CADPS: variants seen among roughly 807,000 people sequenced by gnomAD.
CADPS encodes calcium dependent secretion activator.
Under a neutral mutation model 167.3 loss-of-function variants are expected in CADPS, and 57 were observed. The observed-to-expected ratio is 0.34, with a 90% CI of 0.28 to 0.42. The LOEUF (loss-of-function observed/expected upper bound fraction) is 0.42. Ranked by LOEUF, CADPS falls within the 20% of genes least tolerant of loss-of-function variation. The pLI is 1.00. For missense variants in CADPS, 1,414 were observed against 1,738.1 expected (o/e 0.81, Z 3.32); for synonymous variants, 676 against 635.3 (o/e 1.06, Z -0.96).
At chr3:62,534,714 C>T (rs2074340361) in intron 12 of CADPS, among the ~76,000 whole-genome samples, 1 of 151,888 alleles carries the variant, frequency 6.6e-6, no homozygotes, top group African/African-American at 2.4e-5. Flanking sequence ...CCAAAACTAA[C>T]TGAAAAAAAG....
intron 8 of CADPS, among the ~76,000 whole-genome samples, chr3:62,572,747 A>G (rs180957354): frequency 7.9e-4 from 120 of 152,326 alleles, no homozygotes; most frequent in African/African-American, 2.7e-3. Flanking sequence ...AAATGATTAC[A>G]CTTGTCCCTC....
intron 23 of CADPS, chr3:62,477,979 A>G (rs1227083620): frequency 5.2e-6 from 2 of 384,718 alleles, no homozygotes; most frequent in Non-Finnish European, 9.6e-6. Flanking sequence ...AGACACTGCT[A>G]GATATCAGGG....
rs528299744 is a variant in CADPS at position 62,443,008 on chromosome 3, G to A, written c.3669+2757C>T. Among the ~76,000 whole-genome samples the A allele has an allele frequency of 2.7e-4, 41 of 152,166 alleles. No homozygotes were observed. In the East Asian group the frequency reaches 2.7e-3, roughly 10 times the overall value. ...CTATAATATTATTAGCTATTAAAGC[G>A]TATGTTAATCAACTTAACATTTAGC... On this transcript the variant is annotated intron_variant, in intron 27 of 29. Coordinates refer to ENST00000383710, the MANE Select transcript of CADPS (RefSeq NM_003716.4).
intron 1 of CADPS, among the ~76,000 whole-genome samples, chr3:62,782,207 G>C (rs945223706): frequency 1.3e-5 from 2 of 152,154 alleles, no homozygotes; most frequent in African/African-American, 4.8e-5. Flanking sequence ...GGTAATTTTT[G>C]TACAAGGTGG....
intron 6 of CADPS, among the ~76,000 whole-genome samples, chr3:62,603,022 CA>C (rs1031471710): frequency 4.6e-5 from 7 of 152,082 alleles, no homozygotes; most frequent in African/African-American, 1.4e-4. Flanking sequence ...CAGGCGGGGG[CA>C]ATATTTAAAT....
At chr3:62,708,838 C>A (rs952576513) in intron 3 of CADPS, among the ~76,000 whole-genome samples, 1 of 151,880 alleles carries the variant, frequency 6.6e-6, no homozygotes, top group Non-Finnish European at 1.5e-5. Flanking sequence ...GGGGTAGGGG[C>A]GGAGTAAGAG....
chr3:62,434,742 C>A (rs555821402), intron 28 of CADPS, among the ~76,000 whole-genome samples: 1 of 152,264 alleles, frequency 6.6e-6, no homozygotes, highest in South Asian at 2.1e-4. Flanking sequence ...CTAGTTAAAG[C>A]AGAAAATGCA....
At chr3:62,750,266 G>T (rs1041124923) in intron 3 of CADPS, among the ~76,000 whole-genome samples, 2 of 136,472 alleles carry the variant, frequency 1.5e-5, no homozygotes, top group African/African-American at 5.4e-5. Flanking sequence ...CATGAGAATT[G>T]CTTGAACCTG....
rs572565100 is a variant in CADPS at position 62,447,796 on chromosome 3, C to T, written c.3637-1999G>A. Among the ~76,000 whole-genome samples, 5 of 152,270 alleles carry T rather than the reference C, an allele frequency of 3.3e-5. No homozygotes were observed. The East Asian group carries it at 9.7e-4, about 29-fold the overall frequency. ...GGCTCTCCAGATTTTGCACAATTAT[C>T]ATTTCTACTAAAAGATTCTAAACCC... On this transcript the variant is annotated intron_variant, in intron 26 of 29. Coordinates refer to ENST00000383710, the MANE Select transcript of CADPS (RefSeq NM_003716.4).
rs948672329 is a variant in CADPS, at chr3:62,498,837, C to CA, written c.2706+324dup. On this transcript the variant is annotated intron_variant, in intron 18 of 29. Transcript: ENST00000383710. ...ACAGTGGTGGCAACAAAAACAACCA[C>CA]AAAAAACCAAAAAATATTTTGTGTT... 2.7e-5 allele frequency among the ~76,000 whole-genome samples: 4 copies of CA among 150,102 alleles called. No individual in the cohort carries two copies. The Admixed American group carries it at 2.7e-4, about 10-fold the overall frequency.
At chr3:62,853,934 C>A (rs149687585) in intron 1 of CADPS, among the ~76,000 whole-genome samples, 1 of 151,792 alleles carries the variant, frequency 6.6e-6, no homozygotes, top group Non-Finnish European at 1.5e-5. Flanking sequence ...CCAGCCTGGG[C>A]GACAGACAGT....
intron 24 of CADPS, 49 bp from the exon 25 acceptor site, chr3:62,466,462 C>T (rs777584994): frequency 2.6e-6 from 3 of 1,174,288 alleles, no homozygotes; most frequent in Non-Finnish European, 3.8e-6. Context: ...GGTGATGGCA[C>T]TGCATCCGTC....
chr3:62,423,746 T>C (rs1052814150), intron 28 of CADPS, among the ~76,000 whole-genome samples: 2 of 152,188 alleles, frequency 1.3e-5, no homozygotes, highest in Non-Finnish European at 2.9e-5. Context: ...ACCTGGTACA[T>C]AGTGCCCAGT....
chr3:62,579,169 GCT>G (rs1299573728), intron 8 of CADPS, among the ~76,000 whole-genome samples: 1 of 152,208 alleles, frequency 6.6e-6, no homozygotes, highest in African/African-American at 2.4e-5. Flanking sequence ...GTCATGAGGA[GCT>G]CTCTATTTTA....
At chr3:62,828,099 C>G (rs753927311) in intron 1 of CADPS, among the ~76,000 whole-genome samples, 1 of 152,124 alleles carries the variant, frequency 6.6e-6, no homozygotes, top group Non-Finnish European at 1.5e-5. Flanking sequence ...TGGTGGGTTC[C>G]CAACCATTAA....
chr3:62,636,276 A>T (rs529890026), intron 6 of CADPS, among the ~76,000 whole-genome samples: 89 of 152,312 alleles, frequency 5.8e-4, no homozygotes, highest in Non-Finnish European at 1.0e-3. Context: ...GTGAGATTCA[A>T]AGTAGGGGTT....
At chr3:62,802,318 C>G (rs1186194723) in intron 1 of CADPS, among the ~76,000 whole-genome samples, 1 of 152,122 alleles carries the variant, frequency 6.6e-6, no homozygotes, top group African/African-American at 2.4e-5. Context: ...CCTACAAAAC[C>G]AGCTTGTCTG....
intron 28 of CADPS, among the ~76,000 whole-genome samples, chr3:62,436,342 C>T (rs1349134407): frequency 6.6e-6 from 1 of 151,956 alleles, no homozygotes; most frequent in African/African-American, 2.4e-5. Context: ...ACACACGGGC[C>T]ACATAAAACT....
chr3:62,652,589 G>T (rs141353918), intron 4 of CADPS, among the ~76,000 whole-genome samples: 5 of 152,084 alleles, frequency 3.3e-5, no homozygotes, highest in Non-Finnish European at 7.4e-5. Context: ...CAGACTCAGG[G>T]TTGGCTGCCA....
Sources: allele counts gnomAD v4.1 joint callset (sites outside exome capture counted in the v4.1 genomes callset), GRCh38; gene constraint gnomAD v4.1.1; transcripts MANE v1.5; gene names NCBI Gene and HGNC (gene_info 2026-07-23, HGNC 2026-07-21).